EPB41L4A: variants seen among roughly 807,000 people sequenced by gnomAD.
EPB41L4A encodes band 4.1-like protein 4A.
EPB41L4A carries 100 observed loss-of-function variants against 108.6 expected under a neutral mutation model. The observed-to-expected ratio is 0.92, with a 90% CI of 0.78 to 1.09. The LOEUF (loss-of-function observed/expected upper bound fraction) is 1.09, where lower values mean the gene tolerates loss of function less well. Among genes scored for constraint, EPB41L4A ranks in the 50% least tolerant of loss-of-function variants. The pLI is 0.00. For synonymous variants in EPB41L4A, 319 were observed against 289.0 expected, an observed-to-expected ratio of 1.10 and a Z score of -1.05; for missense variants, 1,030 against 842.7, an observed-to-expected ratio of 1.22 and a Z score of -2.75.
At chr5:112,219,558 A>C (rs1355756532) in intron 12 of EPB41L4A, among the ~76,000 whole-genome samples, 2 of 152,212 alleles carry the variant, frequency 1.3e-5, no homozygotes, top group African/African-American at 2.4e-5. Flanking sequence ...TATAAAAATA[A>C]AGTGTTTACT....
intron 1 of EPB41L4A, among the ~76,000 whole-genome samples, chr5:112,353,371 G>T (rs560632821): frequency 6.6e-6 from 1 of 152,234 alleles, no homozygotes; most frequent in East Asian, 1.9e-4. Flanking sequence ...GTGGCGGGCT[G>T]AGCAGGCCCT....
chr5:112,394,857 A>T (rs1017399548), intron 1 of EPB41L4A, among the ~76,000 whole-genome samples: 1 of 152,236 alleles, frequency 6.6e-6, no homozygotes, highest in Non-Finnish European at 1.5e-5. Context: ...CTACAAGGCT[A>T]CAGTAACCAA....
intron 12 of EPB41L4A, among the ~76,000 whole-genome samples, chr5:112,219,180 T>A (rs1265022421): frequency 6.6e-6 from 1 of 152,224 alleles, no homozygotes; most frequent in African/African-American, 2.4e-5. Flanking sequence ...AATCTCATCT[T>A]GAATTGTAAT....
chr5:112,408,140 G>A (rs1762185546), intron 1 of EPB41L4A, among the ~76,000 whole-genome samples: 1 of 152,118 alleles, frequency 6.6e-6, no homozygotes, highest in Non-Finnish European at 1.5e-5. Context: ...TTATAAGGGT[G>A]CCAAGACAAT....
intron 3 of EPB41L4A, among the ~76,000 whole-genome samples, chr5:112,279,249 G>C (rs1752807164): frequency 6.6e-6 from 1 of 152,068 alleles, no homozygotes; most frequent in Non-Finnish European, 1.5e-5. Context: ...CTTTCGGATG[G>C]CTTTGCAGTC....
intron 12 of EPB41L4A, among the ~76,000 whole-genome samples, chr5:112,147,854 C>A (rs555972031): frequency 6.6e-6 from 1 of 151,720 alleles, no homozygotes; most frequent in African/African-American, 2.4e-5. Flanking sequence ...GCCTGGCCAA[C>A]GTGGTGAAAC....
chr5:112,394,985 G>A (rs552244972), intron 1 of EPB41L4A, among the ~76,000 whole-genome samples: 1 of 151,750 alleles, frequency 6.6e-6, no homozygotes, highest in South Asian at 2.1e-4. Context: ...ACAAAAACAA[G>A]AAATGGGGAA....
chr5:112,259,351 CAGGGA>C, intron 8 of EPB41L4A, 59 bp from the exon 9 acceptor site: 1 of 1,417,856 alleles, frequency 7.1e-7, no homozygotes, highest in Non-Finnish European at 1.0e-6. Flanking sequence ...TTCAGAAAAT[CAGGGA>C]AGTATCCAGT....
In EPB41L4A at chr5:112,338,557, G is replaced by T. The variant is rs111986272; in HGVS notation, c.100-31067C>A. Among the ~76,000 whole-genome samples the T allele has an allele frequency of 3.4e-4, 52 of 152,076 alleles. 1 individual carries two copies. The highest frequency in any genetic ancestry group is 3.4e-3 in the Middle Eastern group (1 of 294). On this transcript the variant is annotated intron_variant, in intron 1 of 22. Coordinates refer to ENST00000261486, the MANE Select transcript of EPB41L4A (RefSeq NM_022140.5). ...TGATTTGTTTCCCCCACTGTCTGGA[G>T]ATGGGGGAGGCTTCCTCTACCAGCG...
At chr5:112,380,796 C>T (rs1188375956) in intron 1 of EPB41L4A, among the ~76,000 whole-genome samples, 2 of 45,518 alleles carry the variant, frequency 4.4e-5, no homozygotes, top group South Asian at 5.7e-4. Flanking sequence ...CACACATACA[C>T]ACACACACAC....
At chr5:112,301,738 T>C (rs1383099415) in intron 2 of EPB41L4A, among the ~76,000 whole-genome samples, 2 of 152,270 alleles carry the variant, frequency 1.3e-5, no homozygotes, top group African/African-American at 2.4e-5. Context: ...ATAGAAAATA[T>C]GTTTAATAAT....
At chr5:112,408,268 G>A (rs1762197142) in intron 1 of EPB41L4A, among the ~76,000 whole-genome samples, 1 of 152,032 alleles carries the variant, frequency 6.6e-6, no homozygotes, top group Admixed American at 6.6e-5. Flanking sequence ...GCAAACATAA[G>A]AGTAAATCTT....
At chr5:112,366,597 G>A (rs2112515347) in intron 1 of EPB41L4A, among the ~76,000 whole-genome samples, 1 of 152,096 alleles carries the variant, frequency 6.6e-6, no homozygotes, top group Non-Finnish European at 1.5e-5. Context: ...CACCTGCAGG[G>A]AGGACACCGA....
At chr5:112,232,755 A>T (rs1291706309) in intron 12 of EPB41L4A, among the ~76,000 whole-genome samples, 1 of 152,150 alleles carries the variant, frequency 6.6e-6, no homozygotes, top group Non-Finnish European at 1.5e-5. Flanking sequence ...GACCCAGGAG[A>T]CCTGGGCTCC....
At chr5:112,215,762 C>CTAAA (rs1747588353) in intron 12 of EPB41L4A, among the ~76,000 whole-genome samples, 1 of 101,396 alleles carries the variant, frequency 9.9e-6, no homozygotes, top group African/African-American at 4.0e-5. Context: ...GACTCCATCT[C>CTAAA]AAAAAAAAAA....
chr5:112,405,551 T>G lies in EPB41L4A; in HGVS notation c.99+13390A>C, dbSNP rs563576232. Reference sequence around the variant, plus strand: ...TGAATATCCAATTTATGTGCTTGTTTTATGAGGTGCCTCCCCAGAGGTGAT... The same window carrying G: ...TGAATATCCAATTTATGTGCTTGTTGTATGAGGTGCCTCCCCAGAGGTGAT... On this transcript the variant is annotated intron_variant, in intron 1 of 22. Transcript: ENST00000261486. Among the ~76,000 whole-genome samples the G allele has an allele frequency of 2.0e-5, 3 of 152,338 alleles. No individual in the cohort carries two copies. The East Asian group carries it at 5.8e-4, about 29-fold the overall frequency.
chr5:112,333,990 G>A (rs1756758607), intron 1 of EPB41L4A, among the ~76,000 whole-genome samples: 1 of 152,124 alleles, frequency 6.6e-6, no homozygotes. Flanking sequence ...CATCCAAGGG[G>A]ACCCAGTGAA....
intron 1 of EPB41L4A, among the ~76,000 whole-genome samples, chr5:112,333,892 T>C (rs1756748516): frequency 6.6e-6 from 1 of 152,124 alleles, no homozygotes; most frequent in African/African-American, 2.4e-5. Flanking sequence ...CAACCTTAGA[T>C]CATCTAAAGG....
intron 1 of EPB41L4A, among the ~76,000 whole-genome samples, chr5:112,322,553 C>A (rs751598297): frequency 6.6e-6 from 1 of 152,156 alleles, no homozygotes; most frequent in Non-Finnish European, 1.5e-5. Flanking sequence ...GGGGTTGATG[C>A]TTGGAAGAAC....
Sources: allele counts gnomAD v4.1 joint callset (sites outside exome capture counted in the v4.1 genomes callset), GRCh38; gene constraint gnomAD v4.1.1; transcripts MANE v1.5; gene names NCBI Gene and HGNC (gene_info 2026-07-23, HGNC 2026-07-21).